The following ZNF69 variants were observed in gnomAD, a reference collection of about 807,000 sequenced individuals.
The protein encoded by ZNF69 is zinc finger protein 69.
In ZNF69, 47 loss-of-function variants were observed where a neutral mutation model predicts 50.9. That is an observed-to-expected ratio of 0.92 (90% CI 0.73 to 1.18). The LOEUF (loss-of-function observed/expected upper bound fraction) is 1.18. ZNF69 is among the 50% of genes most tolerant of loss of function. The probability of loss-of-function intolerance (pLI) is 0.00; values close to 1 mark genes in which losing one functional copy is unlikely to be tolerated. For synonymous variants in ZNF69, 216 were observed against 223.1 expected, an observed-to-expected ratio of 0.97 and a Z score of 0.29; for missense variants, 717 against 675.1, an observed-to-expected ratio of 1.06 and a Z score of -0.69.
At chr19:11,960,313 C>T in the ZNF69 span, among the ~76,000 whole-genome samples, 1,925 of 152,256 alleles carry the variant, frequency 0.013, 23 homozygotes, top group South Asian at 0.024. Context: ...CCACTGCGCC[C>T]GTCTCTTGTT....
the ZNF69 span, among the ~76,000 whole-genome samples, chr19:11,954,546 CA>C: frequency 6.6e-6 from 1 of 152,138 alleles, no homozygotes; most frequent in Non-Finnish European, 1.5e-5. Flanking sequence ...AAGAATTATT[CA>C]TTGCTGGGCA....
At chr19:11,910,695 G>A (rs1321060363), downstream of ZNF69, among the ~76,000 whole-genome samples, 4 of 152,288 alleles carry the variant, frequency 2.6e-5, no homozygotes, top group South Asian at 4.1e-4. Context: ...AGACTTAAAT[G>A]TTAGACCTAA....
intron 1 of ZNF69, among the ~76,000 whole-genome samples, chr19:11,902,030 G>A (rs1972257132): frequency 7.5e-6 from 1 of 132,616 alleles, no homozygotes. Context: ...TGCCCAGGCT[G>A]AAGTGCAATG....
At chr19:11,927,414 G>C in the ZNF69 span, among the ~76,000 whole-genome samples, 2 of 140,316 alleles carry the variant, frequency 1.4e-5, no homozygotes, top group South Asian at 2.2e-4. Context: ...GCGAGACCCT[G>C]TCTCTATTTA....
At chr19:11,920,714 C>T in the ZNF69 span, among the ~76,000 whole-genome samples, 327 of 152,136 alleles carry the variant, frequency 2.1e-3, 2 homozygotes, top group African/African-American at 6.8e-3. Flanking sequence ...GTGGTGAAAC[C>T]GCATCTCTAC....
chr19:11,905,387 A>G lies in ZNF69; in HGVS notation c.990A>G (p.Lys330=). 3.7e-6 allele frequency: 6 copies of G among 1,614,056 alleles called. No homozygotes were observed. In the East Asian group the frequency reaches 1.1e-4, roughly 30 times the overall value. The change falls in exon 4 of 4, where the codon AAA becomes AAG. Residue 330 remains lysine, a synonymous_variant. Transcript: ENST00000429654. ...RIHERTHSRK[K]PYECTQCGKA... The stretch of plus-strand genomic sequence containing the variant: ...ATGAAAGGACCCACTCTAGGAAAAA[A>G]CCCTATGAATGTACGCAGTGTGGGA...
chr19:11,947,235 T>A, the ZNF69 span: 1 of 1,614,084 alleles, frequency 6.2e-7, no homozygotes, highest in Admixed American at 1.7e-5. Context: ...AGAGTGGACA[T>A]TGCTGGATAT....
the ZNF69 span, chr19:11,977,986 T>C: frequency 8.7e-7 from 1 of 1,144,448 alleles, no homozygotes; most frequent in Non-Finnish European, 1.2e-6. Flanking sequence ...GTTGTCCATT[T>C]ACCTTCAAAC....
At chr19:11,902,626 C>T (rs1267532674) in intron 1 of ZNF69, among the ~76,000 whole-genome samples, 2 of 150,536 alleles carry the variant, frequency 1.3e-5, no homozygotes, top group Non-Finnish European at 3.0e-5. Context: ...TTCCCCTCCT[C>T]TCTGCTTATA....
At chr19:11,979,764 A>G in the ZNF69 span, 6 of 1,583,050 alleles carry the variant, frequency 3.8e-6, no homozygotes, top group Admixed American at 5.1e-5. Context: ...CTTCGAATCC[A>G]TGGTAGAACT....
At chr19:11,947,350 A>G in the ZNF69 span, 3 of 1,611,854 alleles carry the variant, frequency 1.9e-6, no homozygotes, top group Non-Finnish European at 2.5e-6. Flanking sequence ...TTAGCAAACC[A>G]GTGTTTCTAG....
chr19:11,898,899 T>C (rs1300891643), intron 1 of ZNF69, among the ~76,000 whole-genome samples: 2 of 152,244 alleles, frequency 1.3e-5, no homozygotes, highest in Admixed American at 6.5e-5. Flanking sequence ...CTACAACTTA[T>C]GCAAGAACAT....
intron 1 of ZNF69, among the ~76,000 whole-genome samples, chr19:11,889,074 G>GT (rs1382433296): frequency 2.0e-5 from 3 of 152,154 alleles, no homozygotes; most frequent in Non-Finnish European, 4.4e-5. Flanking sequence ...GGTTGAGAGT[G>GT]TGAAGCTTTG....
the ZNF69 span, among the ~76,000 whole-genome samples, chr19:11,920,104 C>CTTT: frequency 7.3e-6 from 1 of 137,234 alleles, no homozygotes; most frequent in Non-Finnish European, 1.6e-5. Context: ...GGAACTTTTA[C>CTTT]TTTTTTTTTT....
chr19:11,939,263 G>T, the ZNF69 span, among the ~76,000 whole-genome samples: 1 of 152,174 alleles, frequency 6.6e-6, no homozygotes, highest in Admixed American at 6.5e-5. Flanking sequence ...GGCTTTTGTT[G>T]CCATTGCTTT....
At chr19:11,888,949 C>CG (rs35319161) in intron 1 of ZNF69, among the ~76,000 whole-genome samples, 52,001 of 151,932 alleles carry the variant, frequency 0.34, 10,293 homozygotes, top group African/African-American at 0.55. Flanking sequence ...CCAGCCTCAG[C>CG]ACAGAGTGCG....
chr19:11,912,596 A>G (rs2145254507), intron 4 of ZNF69, among the ~76,000 whole-genome samples: 1 of 152,266 alleles, frequency 6.6e-6, no homozygotes, highest in Admixed American at 6.5e-5. Context: ...AAGGACTCAC[A>G]TGGGAGAGAA....
rs766737057 is a variant in ZNF69, at chr19:11,905,276, A to T, written c.879A>T (p.Arg293Ser). ...TTCATAGTCCCAGATGCTATCGTAG[A>T]CATGAAAGGATTCACACGGGAGAGA... ...KAFHSPRCYRRHERIHTGEKA... is the reference protein window; with the variant it reads ...KAFHSPRCYRSHERIHTGEKA... Residue 293 changes from arginine to serine, a missense_variant, in exon 4 of 4, where the codon AGA becomes AGT. Transcript: ENST00000429654. The T allele has an allele frequency of 1.2e-6, 2 of 1,614,026 alleles. No homozygotes were observed. Among genetic ancestry groups the T allele is most frequent in the Non-Finnish European group, 1.7e-6 (2 of 1,179,986 alleles).
At chr19:11,973,473 C>T in the ZNF69 span, among the ~76,000 whole-genome samples, 1 of 152,106 alleles carries the variant, frequency 6.6e-6, no homozygotes, top group Non-Finnish European at 1.5e-5. Context: ...CCTCAGCTTC[C>T]CAGAGTGCTG....
Sources: allele counts gnomAD v4.1 joint callset (sites outside exome capture counted in the v4.1 genomes callset), GRCh38; gene constraint gnomAD v4.1.1; transcripts MANE v1.5; gene names NCBI Gene and HGNC (gene_info 2026-07-23, HGNC 2026-07-21).